Variants in ACSBG1 observed in about 807,000 individuals in gnomAD.
ACSBG1 encodes acyl-CoA synthetase bubblegum family member 1.
Under a neutral mutation model 80.2 loss-of-function variants are expected in ACSBG1, and 39 were observed. That is an observed-to-expected ratio of 0.49 (90% CI 0.38 to 0.64). The LOEUF (loss-of-function observed/expected upper bound fraction) is 0.64, where lower values mean the gene tolerates loss of function less well. Among genes scored for constraint, ACSBG1 ranks in the 30% least tolerant of loss-of-function variants. The pLI is 0.00. For synonymous variants in ACSBG1, 392 were observed against 379.5 expected (o/e 1.03, Z -0.38); for missense variants, 828 against 966.4 (o/e 0.86, Z 1.90).
chr15:78,201,425 G>A (rs542778240), intron 2 of ACSBG1, among the ~76,000 whole-genome samples: 1 of 152,318 alleles, frequency 6.6e-6, no homozygotes, highest in South Asian at 2.1e-4. Flanking sequence ...CTCACAGAGC[G>A]GGTATCTACC....
At chr15:78,209,229 G>T (rs896806724) in intron 1 of ACSBG1, 3 of 455,978 alleles carry the variant, frequency 6.6e-6, no homozygotes, top group African/African-American at 6.0e-5. Flanking sequence ...AGGCCCACCT[G>T]GCAGCCATCT....
chr15:78,188,932 GC>G (rs2075031771), intron 5 of ACSBG1, among the ~76,000 whole-genome samples: 2 of 148,002 alleles, frequency 1.4e-5, no homozygotes, highest in South Asian at 4.3e-4. Context: ...CTGACAAAGG[GC>G]TAATATCCAG....
chr15:78,213,217 A>T (rs1320016073), intron 1 of ACSBG1, among the ~76,000 whole-genome samples: 4 of 152,160 alleles, frequency 2.6e-5, no homozygotes, highest in Non-Finnish European at 5.9e-5. Flanking sequence ...CAATAGCAAC[A>T]ATATAGTCTG....
At chr15:78,180,458 G>C (rs576394264) in intron 9 of ACSBG1, among the ~76,000 whole-genome samples, 54 of 152,308 alleles carry the variant, frequency 3.5e-4, no homozygotes, top group Admixed American at 8.5e-4. Flanking sequence ...ACTTACTGAG[G>C]TCAGGAGACC....
At chr15:78,221,694 A>G (rs989494639) in intron 1 of ACSBG1, among the ~76,000 whole-genome samples, 12 of 152,104 alleles carry the variant, frequency 7.9e-5, no homozygotes, top group Middle Eastern at 3.4e-3. Flanking sequence ...CAGTGGGGGG[A>G]AACTTTGGAC....
intron 2 of ACSBG1, among the ~76,000 whole-genome samples, chr15:78,204,505 T>C (rs559887291): frequency 4.6e-5 from 7 of 152,328 alleles, no homozygotes; most frequent in Non-Finnish European, 1.0e-4. Context: ...ACCCAGGCAG[T>C]GTCTGAGGCT....
intron 1 of ACSBG1, among the ~76,000 whole-genome samples, chr15:78,228,072 C>A (rs1271473506): frequency 1.3e-5 from 2 of 152,200 alleles, no homozygotes; most frequent in African/African-American, 4.8e-5. Context: ...CATCTAAATT[C>A]TTATTTTACA....
At chr15:78,202,399 CG>C (rs1430599584) in intron 2 of ACSBG1, among the ~76,000 whole-genome samples, 2 of 151,988 alleles carry the variant, frequency 1.3e-5, no homozygotes, top group Non-Finnish European at 1.5e-5. Context: ...TTAGTAGAGA[CG>C]GGGTATCACT....
chr15:78,202,400 G>C (rs572224931), intron 2 of ACSBG1, among the ~76,000 whole-genome samples: 213 of 152,114 alleles, frequency 1.4e-3, no homozygotes, highest in African/African-American at 4.8e-3. Context: ...TAGTAGAGAC[G>C]GGGTATCACT....
chr15:78,222,441 A>G (rs1222660034), intron 1 of ACSBG1, among the ~76,000 whole-genome samples: 1 of 152,162 alleles, frequency 6.6e-6, no homozygotes, highest in Non-Finnish European at 1.5e-5. Flanking sequence ...AAGTGGGAGG[A>G]TCACTTGAGG....
At chr15:78,206,008 G>A (rs1387710350) in intron 2 of ACSBG1, among the ~76,000 whole-genome samples, 3 of 152,136 alleles carry the variant, frequency 2.0e-5, no homozygotes, top group East Asian at 1.9e-4. Context: ...ACGCTGTAGC[G>A]CAGAGGCTCC....
chr15:78,234,382 T>G lies in ACSBG1; in HGVS notation c.120A>C (p.Lys40Asn). 6.2e-7 allele frequency: 1 copy of G among 1,611,480 alleles called. No homozygotes were observed. The highest frequency in any genetic ancestry group is 1.1e-5 in the South Asian group (1 of 91,074). The change falls in exon 1 of 14, where the codon AAA becomes AAC. Residue 40 changes from lysine (K) to asparagine (N), a missense_variant. Physicochemically the swap from Lys to Asn is moderately conservative, Grantham distance 94. Coordinates refer to ENST00000258873, the MANE Select transcript of ACSBG1 (RefSeq NM_015162.5). ...AACCAATGACTTACCTGGTTTTCAA[T>G]TTTTCTTGGGTGGTCCTCACAATCA... ...QDMIVRTTQE[K>N]LKTSSLTDRQ...
At chr15:78,216,064 C>CT (rs1408218548) in intron 1 of ACSBG1, among the ~76,000 whole-genome samples, 3 of 152,164 alleles carry the variant, frequency 2.0e-5, no homozygotes, top group East Asian at 3.8e-4. Context: ...CTGGGTATTG[C>CT]TTTTTTAAAA....
intron 1 of ACSBG1, among the ~76,000 whole-genome samples, chr15:78,228,811 CCTTTGCA>C (rs957368171): frequency 1.2e-4 from 19 of 152,356 alleles, no homozygotes; most frequent in Non-Finnish European, 2.2e-4. Flanking sequence ...CACCTCGGGG[CCTTTGCA>C]CATGCTGTGC....
rs575899091 is a variant in ACSBG1, at chr15:78,184,293, C to T, written c.664-1508G>A. Reference sequence around the variant, plus strand: ...GGCTCCCATGATCCTGCCTCAGCCTCCCGAGTAGCTGGGACTACATGTTCA... The same window carrying T: ...GGCTCCCATGATCCTGCCTCAGCCTTCCGAGTAGCTGGGACTACATGTTCA... On this transcript the variant is annotated intron_variant, in intron 5 of 13. Coordinates refer to ENST00000258873, the MANE Select transcript of ACSBG1 (RefSeq NM_015162.5). Among the ~76,000 whole-genome samples, 4 of 152,274 alleles carry T rather than the reference C, an allele frequency of 2.6e-5. No homozygotes were observed. The East Asian group carries it at 5.8e-4, about 22-fold the overall frequency.
chr15:78,194,985 G>A (rs190721797), intron 2 of ACSBG1, among the ~76,000 whole-genome samples: 86 of 152,344 alleles, frequency 5.6e-4, no homozygotes, highest in Admixed American at 1.8e-3. Flanking sequence ...GAGGACAGAC[G>A]GAAGTCCTAG....
intron 2 of ACSBG1, among the ~76,000 whole-genome samples, chr15:78,200,119 A>T (rs1469531870): frequency 1.3e-5 from 2 of 152,004 alleles, no homozygotes; most frequent in African/African-American, 4.8e-5. Flanking sequence ...CATCAGCTAC[A>T]TGGTTCTGTC....
intron 1 of ACSBG1, among the ~76,000 whole-genome samples, chr15:78,228,017 T>C (rs2075417670): frequency 6.6e-6 from 1 of 152,224 alleles, no homozygotes; most frequent in East Asian, 1.9e-4. Flanking sequence ...CTTAGCCTCC[T>C]GAGTAGCTGG....
At chr15:78,233,326 G>C (rs970021397) in intron 1 of ACSBG1, among the ~76,000 whole-genome samples, 2 of 152,192 alleles carry the variant, frequency 1.3e-5, no homozygotes, top group Non-Finnish European at 2.9e-5. Flanking sequence ...CTGCATCTCT[G>C]AGGCGCATTA....
Sources: allele counts gnomAD v4.1 joint callset (sites outside exome capture counted in the v4.1 genomes callset), GRCh38; gene constraint gnomAD v4.1.1; transcripts MANE v1.5; gene names NCBI Gene and HGNC (gene_info 2026-07-23, HGNC 2026-07-21).